The following ROBO2 variants were observed in gnomAD, a reference collection of about 807,000 sequenced individuals.
ROBO2 encodes the protein roundabout guidance receptor 2.
ROBO2 carries 53 observed loss-of-function variants against 160.8 expected under a neutral mutation model. The observed-to-expected ratio is 0.33, with a 90% CI of 0.26 to 0.41. The LOEUF (loss-of-function observed/expected upper bound fraction) is 0.41, where lower values mean the gene tolerates loss of function less well. ROBO2 is among the 10% of genes least tolerant of loss of function. The pLI is 1.00. For missense variants in ROBO2, 1,577 were observed against 1,722.4 expected, an observed-to-expected ratio of 0.92 and a Z score of 1.49; for synonymous variants, 664 against 611.7, an observed-to-expected ratio of 1.09 and a Z score of -1.26.
intron 2 of ROBO2, among the ~76,000 whole-genome samples, chr3:76,055,997 C>T (rs957007864): frequency 5.3e-5 from 8 of 152,126 alleles, no homozygotes; most frequent in Non-Finnish European, 1.0e-4. Flanking sequence ...TCATTCAACA[C>T]TTCTGGGATT....
intron 2 of ROBO2, among the ~76,000 whole-genome samples, chr3:76,453,006 A>C (rs1291506837): frequency 1.3e-5 from 2 of 151,960 alleles, no homozygotes; most frequent in African/African-American, 4.8e-5. Context: ...TCCTTTGCCC[A>C]CTTTTTGATG....
intron 7 of ROBO2, among the ~76,000 whole-genome samples, chr3:77,548,025 CAT>C (rs1217484818): frequency 2.0e-5 from 3 of 151,228 alleles, no homozygotes; most frequent in African/African-American, 7.3e-5. Context: ...ATACCACACA[CAT>C]ACACATACGC....
chr3:76,954,392 A>G (rs9850420), intron 2 of ROBO2, among the ~76,000 whole-genome samples: 11,414 of 152,210 alleles, frequency 0.075, 1,443 homozygotes, highest in African/African-American at 0.26. Flanking sequence ...ATCTTACAAC[A>G]CGAGTAGTTC....
chr3:76,573,967 C>T (rs899248676), intron 2 of ROBO2, among the ~76,000 whole-genome samples: 8 of 152,226 alleles, frequency 5.3e-5, no homozygotes, highest in East Asian at 3.9e-4. Flanking sequence ...CTGCTCTCTG[C>T]GTTCCCATAG....
chr3:76,871,001 G>A (rs533478981), intron 2 of ROBO2, among the ~76,000 whole-genome samples: 4 of 152,122 alleles, frequency 2.6e-5, no homozygotes, highest in Non-Finnish European at 5.9e-5. Flanking sequence ...TTAGCCCTCT[G>A]CCAATAGAGA....
At chr3:77,391,347 C>G (rs1005528143) in intron 2 of ROBO2, among the ~76,000 whole-genome samples, 1 of 151,944 alleles carries the variant, frequency 6.6e-6, no homozygotes, top group Non-Finnish European at 1.5e-5. Flanking sequence ...CACTCTGTAG[C>G]CCAGGCTGGA....
intron 2 of ROBO2, among the ~76,000 whole-genome samples, chr3:77,261,879 C>T (rs931069483): frequency 6.6e-6 from 1 of 151,774 alleles, no homozygotes; most frequent in Admixed American, 6.6e-5. Flanking sequence ...GCAATCTTCC[C>T]ACCTTGGCCT....
chr3:77,048,370 G>C (rs2064897713), intron 1 of ROBO2, among the ~76,000 whole-genome samples: 1 of 152,242 alleles, frequency 6.6e-6, no homozygotes, highest in South Asian at 2.1e-4. Flanking sequence ...TGTTTCCATT[G>C]CATCATAAGC....
intron 2 of ROBO2, among the ~76,000 whole-genome samples, chr3:76,072,569 T>A (rs1294462147): frequency 6.6e-6 from 1 of 152,068 alleles, no homozygotes; most frequent in African/African-American, 2.4e-5. Context: ...AGTTTTTTTG[T>A]TTTTTTGTTT....
chr3:76,723,143 A>G (rs1321355565), intron 2 of ROBO2, among the ~76,000 whole-genome samples: 2 of 152,164 alleles, frequency 1.3e-5, no homozygotes, highest in South Asian at 2.1e-4. Context: ...TTGGATGGAA[A>G]AGAAAAATTA....
intron 5 of ROBO2, among the ~76,000 whole-genome samples, chr3:77,518,985 C>G (rs980723505): frequency 7.3e-5 from 11 of 151,466 alleles, no homozygotes; most frequent in African/African-American, 2.7e-4. Flanking sequence ...GTTTTACAAT[C>G]TGTATCTGAA....
chr3:77,015,160 G>A (rs1448742855), intron 2 of ROBO2, among the ~76,000 whole-genome samples: 1 of 152,160 alleles, frequency 6.6e-6, no homozygotes, highest in Non-Finnish European at 1.5e-5. Flanking sequence ...TAAGGAAATA[G>A]TGTTTAAAAT....
intron 2 of ROBO2, among the ~76,000 whole-genome samples, chr3:76,611,582 G>A (rs983621922): frequency 2.6e-5 from 4 of 151,998 alleles, no homozygotes; most frequent in African/African-American, 7.2e-5. Flanking sequence ...AGCCTCTAAG[G>A]ATCCTTTGAA....
intron 2 of ROBO2, among the ~76,000 whole-genome samples, chr3:76,710,753 C>A (rs889723781): frequency 6.6e-6 from 1 of 151,966 alleles, no homozygotes; most frequent in African/African-American, 2.4e-5. Flanking sequence ...GCAACTTGAT[C>A]GTATTTACAG....
At chr3:76,212,398 T>A (rs567325086) in intron 2 of ROBO2, among the ~76,000 whole-genome samples, 1 of 152,120 alleles carries the variant, frequency 6.6e-6, no homozygotes, top group African/African-American at 2.4e-5. Context: ...GGGCCCGAGA[T>A]AATGTAATAT....
intron 2 of ROBO2, among the ~76,000 whole-genome samples, chr3:77,303,722 TA>T (rs2062854558): frequency 6.6e-6 from 1 of 152,082 alleles, no homozygotes; most frequent in African/African-American, 2.4e-5. Context: ...TGTATATATA[TA>T]CATAAAAATA....
chr3:76,564,658 G>A (rs571669629), intron 2 of ROBO2, among the ~76,000 whole-genome samples: 1 of 152,274 alleles, frequency 6.6e-6, no homozygotes, highest in East Asian at 1.9e-4. Context: ...GTAACAGAAT[G>A]GAAGCTTCCT....
chr3:76,080,446 C>A (rs2068788003), intron 2 of ROBO2, among the ~76,000 whole-genome samples: 1 of 152,152 alleles, frequency 6.6e-6, no homozygotes. Context: ...TTGTAAAAAA[C>A]CGTATTTTAG....
intron 2 of ROBO2, among the ~76,000 whole-genome samples, chr3:76,864,302 A>G (rs779593113): frequency 6.6e-6 from 1 of 152,096 alleles, no homozygotes; most frequent in African/African-American, 2.4e-5. Context: ...AGTATTTCTC[A>G]CTGTATGCAA....
Sources: gnomAD v4.1 joint callset for allele counts (sites outside exome capture counted in the v4.1 genomes callset) on GRCh38, gnomAD v4.1.1 for gene constraint, MANE v1.5 for transcripts, NCBI Gene and HGNC (gene_info 2026-07-23, HGNC 2026-07-21) for gene names.